The following CTNNA3 variants were observed in gnomAD, a reference collection of about 807,000 sequenced individuals.
The protein encoded by CTNNA3 is catenin alpha 3.
In CTNNA3, 76 loss-of-function variants were observed where a neutral mutation model predicts 95.7. The ratio of observed to expected loss-of-function variants is 0.79; its 90% CI spans 0.66 to 0.96. CTNNA3 has a LOEUF of 0.96. Among genes scored for constraint, CTNNA3 ranks in the 40% least tolerant of loss-of-function variants. The pLI, the probability that CTNNA3 is intolerant of heterozygous loss-of-function variation, is 0.00. For synonymous variants in CTNNA3, 431 were observed against 374.4 expected (o/e 1.15, Z -1.74); for missense variants, 1,191 against 1,089.8 (o/e 1.09, Z -1.31).
chr10:66,785,683 C>A (rs1213695989), intron 7 of CTNNA3, among the ~76,000 whole-genome samples: 1 of 152,184 alleles, frequency 6.6e-6, no homozygotes, highest in East Asian at 1.9e-4. Flanking sequence ...TTCCCAAGTT[C>A]TCCAGCTTGC....
chr10:66,794,212 G>T (rs916176775), intron 7 of CTNNA3, among the ~76,000 whole-genome samples: 4 of 152,060 alleles, frequency 2.6e-5, no homozygotes, highest in Non-Finnish European at 4.4e-5. Context: ...CAAATGTGGG[G>T]CCTTAAACAA....
intron 13 of CTNNA3, among the ~76,000 whole-genome samples, chr10:66,144,965 G>A (rs191741975): frequency 1.1e-4 from 17 of 152,038 alleles, no homozygotes; most frequent in Middle Eastern, 3.4e-3. Context: ...TTTCTCTTAG[G>A]AAAATGTAAT....
At position 66,932,680 on chromosome 10, in the gene CTNNA3, C is replaced by T. The variant is rs895249371; in HGVS notation, c.1048-157156G>A. Among the ~76,000 whole-genome samples the T allele has an allele frequency of 2.8e-4, 32 of 115,598 alleles. 1 individual carries two copies. The highest frequency in any genetic ancestry group is 7.7e-4 in the African/African-American group (28 of 36,534). 75.8% of individuals were successfully genotyped at this position (115,598 alleles called of 152,430 possible). A position where few individuals can be genotyped will look rare whatever the true frequency, so the allele number is the denominator to read the frequency against. On this transcript the variant is annotated intron_variant, in intron 7 of 17. Coordinates refer to ENST00000433211, the MANE Select transcript of CTNNA3 (RefSeq NM_013266.4). ...ATGTTAAATAGTTTGTATCAAATAGCTCTAATTAAAAATGAATTAAAGAAA... is the reference window on the plus strand; with the variant it reads ...ATGTTAAATAGTTTGTATCAAATAGTTCTAATTAAAAATGAATTAAAGAAA...
At chr10:67,722,252 A>C (rs994499729) in intron 1 of CTNNA3, among the ~76,000 whole-genome samples, 1 of 152,208 alleles carries the variant, frequency 6.6e-6, no homozygotes. Flanking sequence ...TAGTTTGGGA[A>C]TAGTTCAGAG....
intron 12 of CTNNA3, among the ~76,000 whole-genome samples, chr10:66,348,467 T>G (rs2092541908): frequency 6.6e-6 from 1 of 152,114 alleles, no homozygotes; most frequent in Non-Finnish European, 1.5e-5. Context: ...TATATACAAT[T>G]TAGCATTCTT....
intron 11 of CTNNA3, among the ~76,000 whole-genome samples, chr10:66,391,888 C>T (rs1010843626): frequency 2.6e-5 from 4 of 151,714 alleles, no homozygotes; most frequent in African/African-American, 9.7e-5. Context: ...ACTGATTTTT[C>T]AATTAGAGTG....
At chr10:67,699,832 C>T (rs533402048), upstream of CTNNA3, among the ~76,000 whole-genome samples, 16 of 152,342 alleles carry the variant, frequency 1.1e-4, no homozygotes, top group South Asian at 8.3e-4. Flanking sequence ...CTGCCTCACT[C>T]GGAAAGAACA....
At position 65,966,707 on chromosome 10, in the gene CTNNA3, G is replaced by C; in HGVS notation, c.2305C>G (p.Leu769Val). The C allele has an allele frequency of 1.2e-6, 2 of 1,613,250 alleles. No individual in the cohort carries two copies. Among genetic ancestry groups the C allele is most frequent in the East Asian group, 4.5e-5 (2 of 44,848 alleles). The change falls in exon 17 of 18, where the codon CTG becomes GTG. Residue 769 changes from leucine to valine, a missense_variant. Transcript: ENST00000433211. ...TGGGAGTAGAACTTAATCTGTTCCA[G>C]GTAGGCCAACAAGTCCTGTTTACAA... ...PSCKQDLLAY[L>V]EQIKFYSHQL... is the part of the protein sequence containing the mutation.
At position 66,349,427 on chromosome 10, in the gene CTNNA3, C is replaced by T. The variant is rs569058791; in HGVS notation, c.1732+29725G>A. Among the ~76,000 whole-genome samples the T allele has an allele frequency of 1.9e-4, 29 of 152,188 alleles. 1 individual carries two copies. The highest frequency in any genetic ancestry group is 1.6e-3 in the Admixed American group (24 of 15,292). ...TGGATTTCTGACACACAAAAACCCA[C>T]ATGTGAGTATTGTTTTAAGCTGAGA... On this transcript the variant is annotated intron_variant, in intron 12 of 17. Coordinates refer to ENST00000433211, the MANE Select transcript of CTNNA3 (RefSeq NM_013266.4).
intron 13 of CTNNA3, among the ~76,000 whole-genome samples, chr10:66,121,875 T>A (rs2082598813): frequency 6.6e-6 from 1 of 152,196 alleles, no homozygotes; most frequent in African/African-American, 2.4e-5. Flanking sequence ...TACCAACTTT[T>A]TAAAATATTT....
At chr10:66,224,031 TA>T (rs1488190298) in intron 13 of CTNNA3, among the ~76,000 whole-genome samples, 1 of 151,966 alleles carries the variant, frequency 6.6e-6, no homozygotes, top group Non-Finnish European at 1.5e-5. Context: ...GCCCTGTCTC[TA>T]AAAAAATAAA....
intron 14 of CTNNA3, among the ~76,000 whole-genome samples, chr10:66,093,974 G>A (rs1047780615): frequency 1.3e-5 from 2 of 152,066 alleles, no homozygotes; most frequent in Non-Finnish European, 2.9e-5. Context: ...GTCCCCTGCT[G>A]TAATGGAGTT....
rs1482067624 is a variant in CTNNA3, at chr10:66,360,675, C to T, written c.1732+18477G>A. On this transcript the variant is annotated intron_variant, in intron 12 of 17. Transcript: ENST00000433211. ...TCTTTCTTTCTTCCTTCCTTCCTTC[C>T]TTCCTTCCTTCCTTCCTTTTCTTTC... Among the ~76,000 whole-genome samples, 37 of 88,798 alleles carry T rather than the reference C, an allele frequency of 4.2e-4. 1 individual carries two copies. The highest frequency in any genetic ancestry group is 4.8e-4 in the South Asian group (1 of 2,092). The allele number at this position is 88,798 out of a possible 152,430, so 58.3% of individuals were successfully genotyped here. A position where few individuals can be genotyped will look rare whatever the true frequency, so the allele number is the denominator to read the frequency against.
intron 13 of CTNNA3, among the ~76,000 whole-genome samples, chr10:66,256,515 T>A (rs1467609995): frequency 4.8e-5 from 5 of 103,650 alleles, no homozygotes; most frequent in African/African-American, 1.6e-4. Flanking sequence ...AGTTTGGGAG[T>A]TCGAGACCAG....
intron 5 of CTNNA3, among the ~76,000 whole-genome samples, chr10:67,231,693 T>A (rs992515951): frequency 1.3e-5 from 2 of 148,276 alleles, no homozygotes; most frequent in African/African-American, 4.9e-5. Flanking sequence ...GAAGAAGGCT[T>A]CAGACGATCA....
At chr10:67,361,691 A>G (rs1275693715) in intron 5 of CTNNA3, among the ~76,000 whole-genome samples, 1 of 152,202 alleles carries the variant, frequency 6.6e-6, no homozygotes, top group Admixed American at 6.5e-5. Context: ...CAAATTAACA[A>G]TCTAACATTG....
intron 5 of CTNNA3, among the ~76,000 whole-genome samples, chr10:67,387,728 G>A (rs952555469): frequency 6.6e-6 from 1 of 152,242 alleles, no homozygotes; most frequent in South Asian, 2.1e-4. Flanking sequence ...CCAGCAGACT[G>A]CCTCCTCAAG....
At chr10:67,428,236 A>T (rs1364196691) in intron 5 of CTNNA3, among the ~76,000 whole-genome samples, 2 of 152,094 alleles carry the variant, frequency 1.3e-5, no homozygotes, top group African/African-American at 4.8e-5. Context: ...AAGTATGATG[A>T]ATTAAATGCT....
At chr10:67,592,293 C>A (rs1454669523) in intron 3 of CTNNA3, among the ~76,000 whole-genome samples, 2 of 152,082 alleles carry the variant, frequency 1.3e-5, no homozygotes, top group Non-Finnish European at 2.9e-5. Context: ...TACCTTATTC[C>A]TCTTGGTCTC....
Sources: gnomAD v4.1 joint callset for allele counts (sites outside exome capture counted in the v4.1 genomes callset) on GRCh38, gnomAD v4.1.1 for gene constraint, MANE v1.5 for transcripts, NCBI Gene and HGNC (gene_info 2026-07-23, HGNC 2026-07-21) for gene names.